The following ABRAXAS2 variants were observed in gnomAD, a reference collection of about 807,000 sequenced individuals.
ABRAXAS2 encodes the protein BRISC complex subunit Abraxas 2.
Under a neutral mutation model 49.0 loss-of-function variants are expected in ABRAXAS2, and 23 were observed. The ratio of observed to expected loss-of-function variants is 0.47; its 90% CI spans 0.34 to 0.66. ABRAXAS2 has a LOEUF of 0.66. ABRAXAS2 is among the 30% of genes least tolerant of loss of function. The pLI is 0.01. For synonymous variants in ABRAXAS2, 168 were observed against 180.2 expected, an observed-to-expected ratio of 0.93 and a Z score of 0.54; for missense variants, 443 against 511.9, an observed-to-expected ratio of 0.87 and a Z score of 1.30.
At chr10:124,819,213 G>C (rs1950845207) in intron 3 of ABRAXAS2, among the ~76,000 whole-genome samples, 171 bp from the exon 4 acceptor site, 1 of 152,132 alleles carries the variant, frequency 6.6e-6, no homozygotes, top group East Asian at 1.9e-4. Flanking sequence ...AATGCAAAAG[G>C]GGCCTCATTT....
At chr10:124,805,195 C>T (rs938986927) in intron 1 of ABRAXAS2, among the ~76,000 whole-genome samples, 3 of 151,734 alleles carry the variant, frequency 2.0e-5, no homozygotes, top group East Asian at 3.9e-4. Context: ...TAGCCGGGCG[C>T]GGTGGCGGGC....
chr10:124,801,979 G>C (rs1950707997), intron 1 of ABRAXAS2, 78 bp downstream of exon 1: 2 of 1,456,424 alleles, frequency 1.4e-6, no homozygotes, highest in East Asian at 4.7e-5. Flanking sequence ...GCCAAGCCGG[G>C]ACCTCATGCG....
At chr10:124,819,513 C>T in intron 4 of ABRAXAS2, 63 bp downstream of exon 4, 3 of 1,402,630 alleles carry the variant, frequency 2.1e-6, no homozygotes, top group Non-Finnish European at 3.0e-6. Context: ...AAAGATAAAA[C>T]CAGACAGGAA....
intron 5 of ABRAXAS2, among the ~76,000 whole-genome samples, chr10:124,827,018 T>A (rs1950900847): frequency 1.4e-5 from 2 of 147,038 alleles, no homozygotes; most frequent in South Asian, 4.4e-4. Context: ...CGCTTGAACC[T>A]GGAGGCAGAG....
chr10:124,813,202 A>C (rs954122436), intron 2 of ABRAXAS2, among the ~76,000 whole-genome samples: 2 of 152,240 alleles, frequency 1.3e-5, no homozygotes, highest in Admixed American at 1.3e-4. Flanking sequence ...CTCCATCTCA[A>C]CAACAACAAA....
intron 4 of ABRAXAS2, among the ~76,000 whole-genome samples, chr10:124,825,512 G>A (rs1950891257): frequency 6.6e-6 from 1 of 152,074 alleles, no homozygotes; most frequent in Admixed American, 6.6e-5. Context: ...ACTCAATGGA[G>A]AAAACATTAT....
rs114757483 is a variant in ABRAXAS2 at position 124,805,459 on chromosome 10, A to G, written c.73-1372A>G. ...ATTTGAAGGATCAACTTAGAATAGA[A>G]GGATATATCGTACAAGGGCATTGTT... On this transcript the variant is annotated intron_variant, in intron 1 of 8. Coordinates refer to ENST00000298492, the MANE Select transcript of ABRAXAS2 (RefSeq NM_032182.4). 5.7e-3 allele frequency among the ~76,000 whole-genome samples: 867 copies of G among 152,338 alleles called. 6 individuals carry two copies. The highest frequency in any genetic ancestry group is 0.017 in the African/African-American group (686 of 41,570).
intron 2 of ABRAXAS2, among the ~76,000 whole-genome samples, chr10:124,814,158 A>G (rs944000045): frequency 6.6e-6 from 1 of 151,002 alleles, no homozygotes; most frequent in Non-Finnish European, 1.5e-5. Flanking sequence ...TGCCCGGCTA[A>G]TTTTGTATTT....
At chr10:124,818,460 T>C (rs1370888529) in intron 3 of ABRAXAS2, among the ~76,000 whole-genome samples, 2 of 151,058 alleles carry the variant, frequency 1.3e-5, no homozygotes, top group Non-Finnish European at 2.9e-5. Context: ...TTAGATAACA[T>C]CTGTCTATTC....
chr10:124,805,327 C>T (rs1035897775), intron 1 of ABRAXAS2, among the ~76,000 whole-genome samples: 1 of 145,244 alleles, frequency 6.9e-6, no homozygotes, highest in Non-Finnish European at 1.5e-5. Context: ...GGCGACAGAG[C>T]GAGACTCCGT....
intron 2 of ABRAXAS2, among the ~76,000 whole-genome samples, chr10:124,807,178 T>C (rs1950750583): frequency 6.6e-6 from 1 of 151,806 alleles, no homozygotes; most frequent in Non-Finnish European, 1.5e-5. Flanking sequence ...CCGGGCATGG[T>C]GGCGGACGCC....
At chr10:124,804,769 C>A (rs144273395) in intron 1 of ABRAXAS2, among the ~76,000 whole-genome samples, 8,257 of 148,476 alleles carry the variant, frequency 0.056, 756 homozygotes, top group African/African-American at 0.19. Context: ...GCTTGAGTGC[C>A]GTGGCACAAT....
chr10:124,811,348 G>A (rs749231158), intron 2 of ABRAXAS2, among the ~76,000 whole-genome samples: 10 of 152,062 alleles, frequency 6.6e-5, no homozygotes, highest in Non-Finnish European at 1.5e-4. Context: ...TGCAGTTAAC[G>A]GACAGCAAAC....
chr10:124,819,259 C>T, intron 3 of ABRAXAS2, 125 bp from the exon 4 acceptor site: 2 of 632,678 alleles, frequency 3.2e-6, no homozygotes, highest in Non-Finnish European at 5.6e-6. Context: ...CTTTATTCAC[C>T]TGTGTAAACC....
chr10:124,811,883 T>G (rs1950791099), intron 2 of ABRAXAS2, among the ~76,000 whole-genome samples: 1 of 152,172 alleles, frequency 6.6e-6, no homozygotes, highest in African/African-American at 2.4e-5. Flanking sequence ...GTTCAAGTGA[T>G]TCTCCTGCCT....
chr10:124,824,102 A>G (rs1329398422), intron 4 of ABRAXAS2, among the ~76,000 whole-genome samples: 6 of 151,904 alleles, frequency 3.9e-5, no homozygotes, highest in Non-Finnish European at 5.9e-5. Flanking sequence ...GGGTCTTGCT[A>G]TCTGGCTCAG....
chr10:124,809,151 G>GA (rs1388912666), intron 2 of ABRAXAS2, among the ~76,000 whole-genome samples: 1 of 151,832 alleles, frequency 6.6e-6, no homozygotes, highest in Admixed American at 6.6e-5. Flanking sequence ...AAAAGAAAAA[G>GA]AAAAAAAGAA....
intron 4 of ABRAXAS2, 55 bp from the exon 5 acceptor site, chr10:124,826,540 A>G: frequency 6.5e-7 from 1 of 1,534,804 alleles, no homozygotes; most frequent in Non-Finnish European, 8.9e-7. Flanking sequence ...TTGTATGGAT[A>G]CATTCAGAAT....
intron 8 of ABRAXAS2, among the ~76,000 whole-genome samples, chr10:124,833,145 C>CAAAAA (rs1249214741): frequency 8.8e-6 from 1 of 114,218 alleles, no homozygotes; most frequent in Non-Finnish European, 1.7e-5. Flanking sequence ...GACTCTGTCT[C>CAAAAA]AAAAAAAAAA....
Sources: allele counts gnomAD v4.1 joint callset (sites outside exome capture counted in the v4.1 genomes callset), GRCh38; gene constraint gnomAD v4.1.1; transcripts MANE v1.5; gene names NCBI Gene and HGNC (gene_info 2026-07-23, HGNC 2026-07-21).